UNC13C: variants seen among roughly 807,000 people sequenced by gnomAD.
UNC13C encodes protein unc-13 homolog C.
A neutral mutation model predicts 245.4 loss-of-function variants in UNC13C; 174 were observed. The observed-to-expected ratio is 0.71, with a 90% CI of 0.63 to 0.80. The LOEUF (loss-of-function observed/expected upper bound fraction) is 0.80, where lower values mean the gene tolerates loss of function less well. Ranked by LOEUF, UNC13C falls within the 30% of genes least tolerant of loss-of-function variation. UNC13C has a pLI of 0.00. For missense variants in UNC13C, 2,829 were observed against 2,602.9 expected, an observed-to-expected ratio of 1.09 and a Z score of -1.89; for synonymous variants, 992 against 895.1, an observed-to-expected ratio of 1.11 and a Z score of -1.93.
intron 30 of UNC13C, among the ~76,000 whole-genome samples, chr15:54,598,270 T>C (rs938642498): frequency 6.6e-6 from 1 of 152,202 alleles, no homozygotes; most frequent in Non-Finnish European, 1.5e-5. Context: ...TTTTTGTGTA[T>C]TTTTAGTAGA....
intron 4 of UNC13C, among the ~76,000 whole-genome samples, chr15:54,156,599 C>T (rs1353972650): frequency 6.6e-6 from 1 of 151,952 alleles, no homozygotes; most frequent in Non-Finnish European, 1.5e-5. Flanking sequence ...AGCTGTAGTG[C>T]AAGTGTCAAG....
At chr15:54,393,242 T>C (rs2040000664) in intron 18 of UNC13C, 61 bp downstream of exon 18, 6 of 1,386,636 alleles carry the variant, frequency 4.3e-6, no homozygotes, top group Non-Finnish European at 5.7e-6. Context: ...ATAATACATA[T>C]TTTAAGCGCA....
At chr15:54,137,140 G>A (rs1351945575) in intron 2 of UNC13C, among the ~76,000 whole-genome samples, 9 of 152,168 alleles carry the variant, frequency 5.9e-5, no homozygotes, top group Admixed American at 1.3e-4. Context: ...GCACTCAGCC[G>A]TGTATGCCAT....
At chr15:54,427,111 G>C (rs72734795) in intron 19 of UNC13C, among the ~76,000 whole-genome samples, 2,782 of 151,814 alleles carry the variant, frequency 0.018, 40 homozygotes, top group Non-Finnish European at 0.03. Context: ...AGGATAATAT[G>C]ACCAAATAAT....
chr15:54,386,870 G>T (rs931043585), intron 17 of UNC13C, among the ~76,000 whole-genome samples: 2 of 152,166 alleles, frequency 1.3e-5, no homozygotes, highest in Non-Finnish European at 2.9e-5. Flanking sequence ...TGGCTCCACT[G>T]ATGTCAGGAA....
At chr15:54,096,360 A>G (rs985336192) in intron 2 of UNC13C, among the ~76,000 whole-genome samples, 2 of 152,024 alleles carry the variant, frequency 1.3e-5, no homozygotes, top group Admixed American at 1.3e-4. Context: ...TCTGTGATAG[A>G]CCAAGAACTA....
chr15:54,560,232 CA>C (rs761375737), intron 29 of UNC13C, among the ~76,000 whole-genome samples: 27 of 151,218 alleles, frequency 1.8e-4, no homozygotes, highest in African/African-American at 4.8e-4. Flanking sequence ...GTATATTTAA[CA>C]AAAAAAGGGA....
chr15:53,928,290 G>T, the UNC13C span, among the ~76,000 whole-genome samples: 1 of 152,222 alleles, frequency 6.6e-6, no homozygotes, highest in Admixed American at 6.5e-5. Context: ...GAAATGAAGG[G>T]ATGGGCCAAA....
intron 4 of UNC13C, among the ~76,000 whole-genome samples, chr15:54,183,107 C>T (rs1345734539): frequency 4.0e-5 from 6 of 150,448 alleles, no homozygotes; most frequent in Admixed American, 2.7e-4. Flanking sequence ...TTTACAAACC[C>T]GAAAGAAGTT....
intron 2 of UNC13C, among the ~76,000 whole-genome samples, chr15:54,056,969 A>G (rs904779627): frequency 1.1e-4 from 17 of 152,222 alleles, no homozygotes; most frequent in Admixed American, 9.2e-4. Flanking sequence ...AGCACTAAAT[A>G]TAGAAAGGAA....
At chr15:53,938,398 A>G in the UNC13C span, among the ~76,000 whole-genome samples, 1 of 152,218 alleles carries the variant, frequency 6.6e-6, no homozygotes, top group African/African-American at 2.4e-5. Context: ...ACCTGCAAAG[A>G]GACTTAGACT....
At chr15:54,481,283 G>T (rs1893094458) in intron 19 of UNC13C, among the ~76,000 whole-genome samples, 1 of 152,128 alleles carries the variant, frequency 6.6e-6, no homozygotes, top group South Asian at 2.1e-4. Context: ...GTGGTGGTGA[G>T]CCAACCCTCA....
intron 30 of UNC13C, among the ~76,000 whole-genome samples, chr15:54,591,165 C>A (rs1238015753): frequency 6.6e-6 from 1 of 152,092 alleles, no homozygotes; most frequent in Non-Finnish European, 1.5e-5. Flanking sequence ...GGTGGATTAT[C>A]TTTTTGATAG....
At chr15:53,973,597 T>A (rs2247125), upstream of UNC13C, among the ~76,000 whole-genome samples, 6 of 150,074 alleles carry the variant, frequency 4.0e-5, no homozygotes, top group Admixed American at 1.3e-4. Context: ...AAAAAAAAAA[T>A]CCAAAAAGTG....
At chr15:54,470,005 C>G (rs990104368) in intron 19 of UNC13C, among the ~76,000 whole-genome samples, 3 of 151,582 alleles carry the variant, frequency 2.0e-5, no homozygotes, top group African/African-American at 4.8e-5. Flanking sequence ...TTATCTGACT[C>G]TTTTAAGATG....
intron 6 of UNC13C, 83 bp from the exon 7 acceptor site, chr15:54,237,536 T>A (rs1210599116): frequency 9.9e-7 from 1 of 1,012,128 alleles, no homozygotes. Context: ...TAGCCCATAT[T>A]CTTGCATTTT....
chr15:54,426,684 C>A lies in UNC13C; in HGVS notation c.4933+11617C>A, dbSNP rs66493053. On this transcript the variant is annotated intron_variant, in intron 19 of 32. Coordinates refer to ENST00000260323, the MANE Select transcript of UNC13C (RefSeq NM_001080534.3). Reference sequence around the variant, plus strand: ...TGGGATTATTTTAAAGGCTGCCTACCATGGAGTGTTGTTTAGTCTCAAAGA... The same window carrying A: ...TGGGATTATTTTAAAGGCTGCCTACAATGGAGTGTTGTTTAGTCTCAAAGA... 2.5e-3 allele frequency among the ~76,000 whole-genome samples: 376 copies of A among 151,476 alleles called. 2 individuals carry two copies. Among genetic ancestry groups the A allele is most frequent in the African/African-American group, 8.6e-3 (357 of 41,368 alleles).
the UNC13C span, among the ~76,000 whole-genome samples, chr15:53,930,209 C>G: frequency 6.6e-6 from 1 of 152,184 alleles, no homozygotes; most frequent in Non-Finnish European, 1.5e-5. Context: ...CACATGGCCC[C>G]TTTCTTCATG....
chr15:54,527,532 G>A lies in UNC13C; in HGVS notation c.5546+1895G>A, dbSNP rs142294128. Among the ~76,000 whole-genome samples, 489 of 152,216 alleles carry A rather than the reference G, an allele frequency of 3.2e-3. 4 individuals carry two copies. The highest frequency in any genetic ancestry group is 2.3e-3 in the East Asian group (12 of 5,182). ...TATCTAAATCATTCTGATGATAAGT[G>A]CTTTTTGTTTTGTTTGGGGAGGTGG... On this transcript the variant is annotated intron_variant, in intron 25 of 32. Transcript: ENST00000260323.
Sources: allele counts gnomAD v4.1 joint callset (sites outside exome capture counted in the v4.1 genomes callset), GRCh38; gene constraint gnomAD v4.1.1; transcripts MANE v1.5; gene names NCBI Gene and HGNC (gene_info 2026-07-23, HGNC 2026-07-21).